Variants in UNC5C observed in about 807,000 individuals in gnomAD.
The protein encoded by UNC5C is unc-5 netrin receptor C.
Under a neutral mutation model 99.8 loss-of-function variants are expected in UNC5C, and 47 were observed. The ratio of observed to expected loss-of-function variants is 0.47; its 90% CI spans 0.37 to 0.60. The LOEUF is 0.60. UNC5C is among the 20% of genes least tolerant of loss of function. The probability of loss-of-function intolerance (pLI) is 0.00; values close to 1 mark genes in which losing one functional copy is unlikely to be tolerated. For synonymous variants in UNC5C, 487 were observed against 452.2 expected (o/e 1.08, Z -0.98); for missense variants, 1,062 against 1,165.9 (o/e 0.91, Z 1.30).
chr4:95,407,597 T>A (rs540006719), intron 1 of UNC5C, among the ~76,000 whole-genome samples: 16 of 152,246 alleles, frequency 1.1e-4, no homozygotes, highest in African/African-American at 3.4e-4. Flanking sequence ...TAGGGATACA[T>A]TAATTTTAGT....
intron 1 of UNC5C, among the ~76,000 whole-genome samples, chr4:95,538,886 G>T (rs570446244): frequency 6.6e-6 from 1 of 151,914 alleles, no homozygotes; most frequent in African/African-American, 2.4e-5. Context: ...TTCCTTCCTC[G>T]CAATTGACTT....
At chr4:95,506,319 T>C (rs1721920607) in intron 1 of UNC5C, among the ~76,000 whole-genome samples, 2 of 152,152 alleles carry the variant, frequency 1.3e-5, no homozygotes, top group East Asian at 3.9e-4. Flanking sequence ...GGATGTTGCT[T>C]TCTTATCTGC....
chr4:95,465,823 T>G (rs1406898800), intron 1 of UNC5C, among the ~76,000 whole-genome samples: 3 of 152,170 alleles, frequency 2.0e-5, no homozygotes, highest in Non-Finnish European at 2.9e-5. Context: ...AAACAAGCAA[T>G]TTCCCCAGTG....
At chr4:95,474,788 CAGCACAT>C (rs1285817164) in intron 1 of UNC5C, among the ~76,000 whole-genome samples, 1 of 152,138 alleles carries the variant, frequency 6.6e-6, no homozygotes, top group Non-Finnish European at 1.5e-5. Flanking sequence ...ATTATTCATC[CAGCACAT>C]AGATCAAGAA....
At chr4:95,208,230 T>C (rs1737949931) in intron 10 of UNC5C, among the ~76,000 whole-genome samples, 1 of 152,226 alleles carries the variant, frequency 6.6e-6, no homozygotes, top group Admixed American at 6.5e-5. Context: ...AATCAAGGAA[T>C]TACTTACAAA....
intron 1 of UNC5C, among the ~76,000 whole-genome samples, chr4:95,502,198 G>T (rs1721792535): frequency 6.6e-6 from 1 of 152,092 alleles, no homozygotes; most frequent in Non-Finnish European, 1.5e-5. Context: ...AATGGATTAT[G>T]ACTGGCCCCC....
At chr4:95,483,030 TAATAATAA>T (rs1448644287) in intron 1 of UNC5C, among the ~76,000 whole-genome samples, 1,640 of 143,968 alleles carry the variant, frequency 0.011, 19 homozygotes, top group Non-Finnish European at 0.018. Flanking sequence ...ATAATAATAA[TAATAATAA>T]TAATAAAAAC....
At chr4:95,302,769 A>T (rs763180926) in intron 2 of UNC5C, among the ~76,000 whole-genome samples, 9 of 152,210 alleles carry the variant, frequency 5.9e-5, no homozygotes, top group Non-Finnish European at 1.3e-4. Flanking sequence ...TTGAATAAAT[A>T]TTTATTTAGT....
At chr4:95,435,288 A>T (rs1475302627) in intron 1 of UNC5C, among the ~76,000 whole-genome samples, 1 of 149,046 alleles carries the variant, frequency 6.7e-6, no homozygotes, top group African/African-American at 2.5e-5. Flanking sequence ...AATGGTACAC[A>T]GAAAAATCAA....
chr4:95,338,094 A>G (rs1743417684), intron 1 of UNC5C, among the ~76,000 whole-genome samples: 1 of 152,046 alleles, frequency 6.6e-6, no homozygotes, highest in African/African-American at 2.4e-5. Flanking sequence ...CAGATATGAT[A>G]AAATGCAAAT....
At chr4:95,315,830 A>G (rs1260670303) in intron 2 of UNC5C, among the ~76,000 whole-genome samples, 1 of 152,222 alleles carries the variant, frequency 6.6e-6, no homozygotes, top group African/African-American at 2.4e-5. Context: ...CTGACAAACA[A>G]AACTGAGTTT....
chr4:95,289,522 T>G (rs1741366193), intron 3 of UNC5C, among the ~76,000 whole-genome samples: 1 of 152,220 alleles, frequency 6.6e-6, no homozygotes, highest in Non-Finnish European at 1.5e-5. Context: ...TTAATTCTTT[T>G]TACACACTCA....
At chr4:95,301,234 A>C (rs1488574834) in intron 3 of UNC5C, among the ~76,000 whole-genome samples, 4 of 118,356 alleles carry the variant, frequency 3.4e-5, no homozygotes, top group Admixed American at 2.3e-4. Context: ...CTTGCTCTGT[A>C]GCCCAGGCTG....
rs138797433 is a variant in UNC5C, at chr4:95,465,762, A to AG, written c.124+82971dup. On this transcript the variant is annotated intron_variant, in intron 1 of 15. Coordinates refer to ENST00000453304, the MANE Select transcript of UNC5C (RefSeq NM_003728.4). ...ATCCAAAGCAGTCAGGTTAAAAAAA[A>AG]GTTTGGATTTGCACATGCTATTTCA... is the stretch of plus-strand genomic sequence containing the variant. Among the ~76,000 whole-genome samples, 949 of 152,310 alleles carry AG rather than the reference A, an allele frequency of 6.2e-3. 5 individuals carry two copies. The highest frequency in any genetic ancestry group is 0.044 in the Middle Eastern group (13 of 294).
chr4:95,213,423 G>T (rs1579236353), intron 10 of UNC5C, among the ~76,000 whole-genome samples: 1 of 152,194 alleles, frequency 6.6e-6, no homozygotes, highest in African/African-American at 2.4e-5. Context: ...AGCAGGAGAG[G>T]TAGAAATCCT....
At chr4:95,538,260 T>A (rs771689571) in intron 1 of UNC5C, among the ~76,000 whole-genome samples, 6 of 152,214 alleles carry the variant, frequency 3.9e-5, no homozygotes, top group Non-Finnish European at 5.9e-5. Flanking sequence ...CAGCTGCTAT[T>A]GAAACTGGGC....
At chr4:95,541,810 T>C (rs1722928576) in intron 1 of UNC5C, among the ~76,000 whole-genome samples, 1 of 152,140 alleles carries the variant, frequency 6.6e-6, no homozygotes, top group Non-Finnish European at 1.5e-5. Flanking sequence ...AGGTGGTTCT[T>C]CTGAACAGAA....
At chr4:95,209,448 G>A (rs1290374215) in intron 10 of UNC5C, among the ~76,000 whole-genome samples, 1 of 152,090 alleles carries the variant, frequency 6.6e-6, no homozygotes, top group Non-Finnish European at 1.5e-5. Flanking sequence ...TTCTGAAATT[G>A]CACCAGGATC....
chr4:95,541,858 AG>A (rs1263793569), intron 1 of UNC5C, among the ~76,000 whole-genome samples: 1 of 152,210 alleles, frequency 6.6e-6, no homozygotes, highest in East Asian at 1.9e-4. Context: ...AATAGAGTTC[AG>A]GCAGTCCATG....
Sources: allele counts gnomAD v4.1 joint callset (sites outside exome capture counted in the v4.1 genomes callset), GRCh38; gene constraint gnomAD v4.1.1; transcripts MANE v1.5; gene names NCBI Gene and HGNC (gene_info 2026-07-23, HGNC 2026-07-21).